ATP10B: variants seen among roughly 807,000 people sequenced by gnomAD.
The protein encoded by ATP10B is phospholipid-transporting ATPase VB.
Under a neutral mutation model 141.2 loss-of-function variants are expected in ATP10B, and 122 were observed. The observed-to-expected ratio is 0.86, with a 90% confidence interval of 0.75 to 1.00. The LOEUF (loss-of-function observed/expected upper bound fraction) is 1.00. ATP10B is among the 50% of genes least tolerant of loss of function. The probability of loss-of-function intolerance (pLI) is 0.00; values close to 1 mark genes in which losing one functional copy is unlikely to be tolerated. For missense variants in ATP10B, 1,876 were observed against 1,825.3 expected (o/e 1.03, Z -0.51); for synonymous variants, 685 against 692.0 (o/e 0.99, Z 0.16).
chr5:160,682,523 G>A (rs1160679546), intron 6 of ATP10B, among the ~76,000 whole-genome samples: 2 of 152,160 alleles, frequency 1.3e-5, no homozygotes, highest in Non-Finnish European at 2.9e-5. Context: ...GCACAGATGA[G>A]TCTGTGGTCT....
At position 160,719,138 on chromosome 5, in the gene ATP10B, C is replaced by G. The variant is rs1467071840; in HGVS notation, c.-330-2104G>C. Among the ~76,000 whole-genome samples the G allele has an allele frequency of 2.0e-5, 3 of 152,162 alleles. No individual in the cohort carries two copies. In the East Asian group the frequency reaches 5.8e-4, roughly 29 times the overall value. On this transcript the variant is annotated intron_variant, in intron 2 of 25. Coordinates refer to ENST00000327245, the MANE Select transcript of ATP10B (RefSeq NM_025153.3). Reference sequence around the variant, plus strand: ...AATGGCGGCCGGGCACGGTGGCTCACGCCTGTAATCCCAGCACTTTGTGAG... The same window carrying G: ...AATGGCGGCCGGGCACGGTGGCTCAGGCCTGTAATCCCAGCACTTTGTGAG...
chr5:160,918,503 C>T, the ATP10B span, among the ~76,000 whole-genome samples: 10 of 152,154 alleles, frequency 6.6e-5, no homozygotes, highest in Non-Finnish European at 1.2e-4. Context: ...ATGATATTCA[C>T]CATGATATTC....
chr5:160,625,268 T>C (rs11952276), intron 13 of ATP10B, among the ~76,000 whole-genome samples: 2,086 of 152,318 alleles, frequency 0.014, 45 homozygotes, highest in African/African-American at 0.048. Context: ...AAGTGGCCTT[T>C]GAGACTTGCT....
the ATP10B span, among the ~76,000 whole-genome samples, chr5:160,879,424 A>T: frequency 7.6e-6 from 1 of 131,344 alleles, no homozygotes; most frequent in Non-Finnish European, 1.6e-5. Context: ...ATTGGGAGAT[A>T]TACCTAATGC....
At chr5:160,824,301 C>T (rs1289632493) in intron 1 of ATP10B, among the ~76,000 whole-genome samples, 2 of 152,156 alleles carry the variant, frequency 1.3e-5, no homozygotes, top group Non-Finnish European at 2.9e-5. Context: ...CAGGCTTGAG[C>T]CACTGCACCC....
the ATP10B span, among the ~76,000 whole-genome samples, chr5:160,881,405 A>G: frequency 2.0e-5 from 3 of 152,230 alleles, no homozygotes; most frequent in Non-Finnish European, 4.4e-5. Context: ...AACTAAACAT[A>G]CTATTACCAT....
intron 1 of ATP10B, among the ~76,000 whole-genome samples, chr5:160,832,123 A>G (rs1775123494): frequency 6.6e-6 from 1 of 152,040 alleles, no homozygotes; most frequent in South Asian, 2.1e-4. Context: ...AATAATCATA[A>G]TAATGCCACA....
intron 2 of ATP10B, among the ~76,000 whole-genome samples, chr5:160,782,532 G>A (rs1246776346): frequency 6.6e-6 from 1 of 150,722 alleles, no homozygotes; most frequent in Non-Finnish European, 1.5e-5. Flanking sequence ...CCCCAGAAGG[G>A]ATCATGCAGT....
the ATP10B span, among the ~76,000 whole-genome samples, chr5:160,874,355 A>G: frequency 1.3e-5 from 2 of 152,170 alleles, no homozygotes; most frequent in African/African-American, 2.4e-5. Flanking sequence ...AACAAACAGA[A>G]AGGACATCCA....
chr5:160,850,276 T>C (rs71605451), intron 1 of ATP10B, among the ~76,000 whole-genome samples: 13,832 of 151,864 alleles, frequency 0.091, 793 homozygotes, highest in Non-Finnish European at 0.12. Context: ...AAACAAAAAT[T>C]AGCCAGGCAT....
intron 1 of ATP10B, among the ~76,000 whole-genome samples, chr5:160,814,455 A>C (rs1773435801): frequency 2.0e-5 from 3 of 151,970 alleles, no homozygotes; most frequent in African/African-American, 7.2e-5. Context: ...AAAAGAAACG[A>C]ACAAAGCCTC....
At chr5:160,868,551 C>CACAT in the ATP10B span, among the ~76,000 whole-genome samples, 25 of 151,396 alleles carry the variant, frequency 1.7e-4, 1 homozygote, top group South Asian at 6.3e-4. Flanking sequence ...CACACACACA[C>CACAT]ACACACACAC....
At chr5:160,648,479 T>C (rs1462387398) in intron 8 of ATP10B, among the ~76,000 whole-genome samples, 3 of 152,190 alleles carry the variant, frequency 2.0e-5, no homozygotes, top group Admixed American at 6.6e-5. Flanking sequence ...CATCTGTTAC[T>C]ATGGCTCTTA....
At chr5:160,805,687 C>T (rs1772721864) in intron 1 of ATP10B, among the ~76,000 whole-genome samples, 1 of 152,146 alleles carries the variant, frequency 6.6e-6, no homozygotes, top group South Asian at 2.1e-4. Context: ...ACGGTGTGGG[C>T]AGTGGCCCCT....
At chr5:160,593,691 A>G (rs1049773059) in intron 22 of ATP10B, among the ~76,000 whole-genome samples, 1 of 152,246 alleles carries the variant, frequency 6.6e-6, no homozygotes, top group East Asian at 1.9e-4. Flanking sequence ...TAGAACTAGA[A>G]TAACTAATAC....
rs145275949 is a variant in ATP10B at position 160,753,809 on chromosome 5, G to T, written c.-331+31750C>A. 4.1e-4 allele frequency among the ~76,000 whole-genome samples: 63 copies of T among 152,262 alleles called. No homozygotes were observed. The East Asian group carries it at 0.012, about 29-fold the overall frequency. ...CATATACTACCCTTAGAAGCTGGATGCTGTTATCCTTATTTTGTAGACAAG... is the reference window on the plus strand; with the variant it reads ...CATATACTACCCTTAGAAGCTGGATTCTGTTATCCTTATTTTGTAGACAAG... On this transcript the variant is annotated intron_variant, in intron 2 of 25. Coordinates refer to ENST00000327245, the MANE Select transcript of ATP10B (RefSeq NM_025153.3).
At chr5:160,639,919 C>G (rs1276547245) in intron 10 of ATP10B, among the ~76,000 whole-genome samples, 4 of 152,242 alleles carry the variant, frequency 2.6e-5, no homozygotes, top group Admixed American at 6.5e-5. Flanking sequence ...AACAGATCAT[C>G]AAGCATTTGA....
At chr5:160,608,925 CTTTAA>C (rs1469571321) in intron 18 of ATP10B, among the ~76,000 whole-genome samples, 1 of 152,144 alleles carries the variant, frequency 6.6e-6, no homozygotes, top group African/African-American at 2.4e-5. Context: ...TTCAGGAGCT[CTTTAA>C]TTTAATTAGA....
intron 2 of ATP10B, among the ~76,000 whole-genome samples, chr5:160,744,384 A>G (rs1204225355): frequency 2.0e-5 from 3 of 152,302 alleles, no homozygotes; most frequent in South Asian, 4.1e-4. Flanking sequence ...TCCCGGAGAC[A>G]GCAGACAAGG....
Sources: gnomAD v4.1 joint callset for allele counts (sites outside exome capture counted in the v4.1 genomes callset) on GRCh38, gnomAD v4.1.1 for gene constraint, MANE v1.5 for transcripts, NCBI Gene and HGNC (gene_info 2026-07-23, HGNC 2026-07-21) for gene names.